The following PTPN12 variants were observed in gnomAD, a reference collection of about 807,000 sequenced individuals.
PTPN12 encodes the protein protein tyrosine phosphatase non-receptor type 12, also known as tyrosine-protein phosphatase non-receptor type 12.
Under a neutral mutation model 97.6 loss-of-function variants are expected in PTPN12, and 29 were observed. That is an observed-to-expected ratio of 0.30 (90% CI 0.22 to 0.41). PTPN12 has a LOEUF of 0.41. Among genes scored for constraint, PTPN12 ranks in the 10% least tolerant of loss-of-function variants. The pLI, the probability that PTPN12 is intolerant of heterozygous loss-of-function variation, is 1.00. For missense variants in PTPN12, 819 were observed against 926.0 expected (o/e 0.88, Z 1.50); for synonymous variants, 327 against 300.4 (o/e 1.09, Z -0.91).
chr7:77,565,477 G>A (rs117754956), intron 1 of PTPN12, among the ~76,000 whole-genome samples: 2,790 of 152,318 alleles, frequency 0.018, 34 homozygotes, highest in Middle Eastern at 0.071. Flanking sequence ...GGCTTGAACT[G>A]CTGTTGAATG....
Position 77,639,413 on chromosome 7 carries a change from G to A in PTPN12, c.*133G>A. On this transcript the variant is annotated 3_prime_UTR_variant, in exon 18 of 18. Coordinates refer to ENST00000248594, the MANE Select transcript of PTPN12 (RefSeq NM_002835.4). ...ATTGTTACCTTAATATTTTTTGCTG[G>A]GACCATCTACCTGCCTTATACTACA... 1.5e-6 allele frequency: 1 copy of A among 681,758 alleles called. No individual in the cohort carries two copies. The highest frequency in any genetic ancestry group is 2.4e-6 in the Non-Finnish European group (1 of 415,532). The allele number at this position is 681,758 out of a possible 1,614,324, so 42.2% of individuals were successfully genotyped here. A position where few individuals can be genotyped will look rare whatever the true frequency, so the allele number is the denominator to read the frequency against.
At chr7:77,560,939 G>A (rs1807969611) in intron 1 of PTPN12, among the ~76,000 whole-genome samples, 1 of 152,128 alleles carries the variant, frequency 6.6e-6, no homozygotes, top group Non-Finnish European at 1.5e-5. Context: ...TGAATGATAT[G>A]ATAATTCTAC....
intron 1 of PTPN12, among the ~76,000 whole-genome samples, chr7:77,562,958 C>A (rs375489275): frequency 4.7e-3 from 625 of 132,908 alleles, no homozygotes; most frequent in Middle Eastern, 0.012. Context: ...CTAGGCTATG[C>A]AAAAAAAAAA....
At chr7:77,559,472 G>A (rs555909375) in intron 1 of PTPN12, among the ~76,000 whole-genome samples, 16 of 152,162 alleles carry the variant, frequency 1.1e-4, no homozygotes, top group Non-Finnish European at 2.1e-4. Flanking sequence ...AGCTTTCCTT[G>A]GTAACATTGT....
chr7:77,549,071 G>A (rs1212716947), intron 1 of PTPN12, among the ~76,000 whole-genome samples: 1 of 152,144 alleles, frequency 6.6e-6, no homozygotes, highest in Non-Finnish European at 1.5e-5. Flanking sequence ...AGAATGACTA[G>A]AATTGCTACA....
intron 5 of PTPN12, among the ~76,000 whole-genome samples, chr7:77,586,632 C>G (rs986179826): frequency 6.6e-6 from 1 of 152,174 alleles, no homozygotes; most frequent in African/African-American, 2.4e-5. Context: ...TTGTCTCTTC[C>G]TTTCATGAAA....
chr7:77,543,756 G>A (rs1361706643), intron 1 of PTPN12, among the ~76,000 whole-genome samples: 2 of 152,020 alleles, frequency 1.3e-5, no homozygotes, highest in East Asian at 3.9e-4. Flanking sequence ...TATATAAATG[G>A]AATCATACAA....
chr7:77,579,236 C>G (rs1041674587), intron 2 of PTPN12, among the ~76,000 whole-genome samples: 4 of 152,158 alleles, frequency 2.6e-5, no homozygotes, highest in Admixed American at 1.3e-4. Flanking sequence ...ATTCTCCTGC[C>G]TCAGCCTCCC....
chr7:77,590,894 G>A (rs1419159249), intron 5 of PTPN12, among the ~76,000 whole-genome samples: 2 of 151,856 alleles, frequency 1.3e-5, no homozygotes, highest in African/African-American at 2.4e-5. Context: ...AAAATTAGCC[G>A]GTTGTGGTGG....
intron 2 of PTPN12, among the ~76,000 whole-genome samples, chr7:77,579,727 C>T (rs977588345): frequency 6.6e-6 from 1 of 152,008 alleles, no homozygotes; most frequent in African/African-American, 2.4e-5. Flanking sequence ...CTGATTTTTT[C>T]TTTTTACATA....
intron 5 of PTPN12, among the ~76,000 whole-genome samples, chr7:77,591,793 C>T (rs1787874731): frequency 6.6e-6 from 1 of 152,184 alleles, no homozygotes; most frequent in South Asian, 2.1e-4. Flanking sequence ...GAGAATTCAG[C>T]CAGATATTTG....
intron 6 of PTPN12, among the ~76,000 whole-genome samples, chr7:77,592,880 A>T (rs1197180604): frequency 6.6e-6 from 1 of 152,224 alleles, no homozygotes; most frequent in Non-Finnish European, 1.5e-5. Flanking sequence ...AAAGAAAGGC[A>T]TGGACAAAAA....
intron 1 of PTPN12, among the ~76,000 whole-genome samples, chr7:77,562,261 G>T (rs1280933636): frequency 1.3e-5 from 2 of 152,112 alleles, no homozygotes; most frequent in Non-Finnish European, 2.9e-5. Context: ...CACCACCTTG[G>T]CCAAGCTGGT....
At chr7:77,560,894 C>T (rs1193304868) in intron 1 of PTPN12, among the ~76,000 whole-genome samples, 2 of 151,674 alleles carry the variant, frequency 1.3e-5, no homozygotes, top group Non-Finnish European at 2.9e-5. Context: ...CCCTGCTTTC[C>T]GTTCTTTGGG....
At chr7:77,569,804 T>G (rs1808400079) in intron 1 of PTPN12, among the ~76,000 whole-genome samples, 1 of 152,170 alleles carries the variant, frequency 6.6e-6, no homozygotes. Context: ...GGTATGTAAC[T>G]TTGAATATAA....
Position 77,627,439 on chromosome 7 carries a change from C to T in PTPN12, c.1760C>T (p.Thr587Ile). 6.2e-7 allele frequency: 1 copy of T among 1,614,058 alleles called. No homozygotes were observed. Among genetic ancestry groups the T allele is most frequent in the South Asian group, 1.1e-5 (1 of 91,076 alleles). Residue 587 changes from threonine (T) to isoleucine (I), a missense_variant, in exon 13 of 18, where the codon ACT becomes ATT. Thr to Ile is a moderately conservative substitution (Grantham distance 89). Around this residue, in one of 5 missense-constraint regions of PTPN12, gnomAD observed 607 missense variants for 577.3 expected, o/e 1.05. Coordinates refer to ENST00000248594, the MANE Select transcript of PTPN12 (RefSeq NM_002835.4). ...ETPDLVDHDN[T>I]SPLFRTPLSF... is the part of the protein sequence containing the mutation. Reference sequence around the variant, plus strand: ...CCTGATCTTGTGGATCATGATAACACTTCACCACTCTTCAGAACACCCCTC... The same window carrying T: ...CCTGATCTTGTGGATCATGATAACATTTCACCACTCTTCAGAACACCCCTC...
At chr7:77,564,825 T>G (rs1808189989) in intron 1 of PTPN12, among the ~76,000 whole-genome samples, 1 of 130,774 alleles carries the variant, frequency 7.6e-6, no homozygotes, top group South Asian at 2.7e-4. Flanking sequence ...TGGCACGATC[T>G]CAGCTCACTG....
At chr7:77,590,769 G>A (rs1787842089) in intron 5 of PTPN12, among the ~76,000 whole-genome samples, 1 of 152,010 alleles carries the variant, frequency 6.6e-6, no homozygotes, top group Non-Finnish European at 1.5e-5. Context: ...TTGCCATGTT[G>A]GCCAGTCTGG....
chr7:77,556,305 TG>T (rs1227163945), intron 1 of PTPN12, among the ~76,000 whole-genome samples: 2 of 152,096 alleles, frequency 1.3e-5, no homozygotes, highest in East Asian at 3.9e-4. Context: ...TGAAGAGACC[TG>T]CCTACCTCTG....
Sources: allele counts gnomAD v4.1 joint callset (sites outside exome capture counted in the v4.1 genomes callset), GRCh38; gene constraint gnomAD v4.1.1; regional missense constraint gnomAD v4.1.1; transcripts MANE v1.5; gene names NCBI Gene and HGNC (gene_info 2026-07-23, HGNC 2026-07-21).